Variants in CMTM4 observed in about 807,000 individuals in gnomAD.
The protein encoded by CMTM4 is CKLF like MARVEL transmembrane domain containing 4.
In CMTM4, 8 loss-of-function variants were observed where a neutral mutation model predicts 19.0. The ratio of observed to expected loss-of-function variants is 0.42; its 90% CI spans 0.25 to 0.76. The LOEUF (loss-of-function observed/expected upper bound fraction) is 0.76, where lower values mean the gene tolerates loss of function less well. Among genes scored for constraint, CMTM4 ranks in the 30% least tolerant of loss-of-function variants. The probability of loss-of-function intolerance (pLI) is 0.27; values close to 1 mark genes in which losing one functional copy is unlikely to be tolerated. For synonymous variants in CMTM4, 106 were observed against 121.1 expected (o/e 0.88, Z 0.82); for missense variants, 228 against 290.2 (o/e 0.79, Z 1.56).
chr16:66,624,822 G>C (rs1280426291), intron 2 of CMTM4, among the ~76,000 whole-genome samples: 2 of 152,176 alleles, frequency 1.3e-5, no homozygotes, highest in Non-Finnish European at 2.9e-5. Context: ...TAACAGTGCT[G>C]AGTCTTGCAG....
chr16:66,683,202 T>TACGTATATATATATAC (rs1175502506), intron 1 of CMTM4, among the ~76,000 whole-genome samples: 4 of 137,170 alleles, frequency 2.9e-5, no homozygotes, highest in East Asian at 4.2e-4. Flanking sequence ...TACATATATA[T>TACGTATATATATATAC]ATATATATAA....
At chr16:66,602,534 C>T in the CMTM4 span, among the ~76,000 whole-genome samples, 1 of 151,558 alleles carries the variant, frequency 6.6e-6, no homozygotes, top group Non-Finnish European at 1.5e-5. Context: ...GCTTCTTCTT[C>T]TTCTTCTTCT....
downstream of CMTM4, among the ~76,000 whole-genome samples, chr16:66,611,964 G>C (rs1043216816): frequency 6.6e-6 from 1 of 152,036 alleles, no homozygotes; most frequent in Non-Finnish European, 1.5e-5. Context: ...TGGGGGTGGG[G>C]GTAGAGCTGG....
intron 1 of CMTM4, among the ~76,000 whole-genome samples, chr16:66,664,233 C>CAAAA (rs748462311): frequency 1.5e-5 from 1 of 64,948 alleles, no homozygotes. Context: ...GACTCCGTCT[C>CAAAA]AAAAAAAAAA....
intron 1 of CMTM4, among the ~76,000 whole-genome samples, chr16:66,661,641 T>A (rs1167765549): frequency 6.6e-6 from 1 of 152,108 alleles, no homozygotes; most frequent in Non-Finnish European, 1.5e-5. Context: ...AACATTTCCT[T>A]ACTATAGGCC....
intron 1 of CMTM4, among the ~76,000 whole-genome samples, chr16:66,692,491 G>A (rs570051960): frequency 4.6e-5 from 7 of 152,202 alleles, no homozygotes; most frequent in Non-Finnish European, 8.8e-5. Flanking sequence ...AGAAGTTCTG[G>A]GGTAAGGCCA....
At chr16:66,695,073 A>C (rs1415229811) in intron 1 of CMTM4, among the ~76,000 whole-genome samples, 1 of 152,080 alleles carries the variant, frequency 6.6e-6, no homozygotes, top group Non-Finnish European at 1.5e-5. Context: ...CAGGCCTGGC[A>C]CGGTGGCTCA....
At chr16:66,604,977 G>A in the CMTM4 span, 3 of 1,467,336 alleles carry the variant, frequency 2.0e-6, no homozygotes, top group South Asian at 1.3e-5. Flanking sequence ...ACCCTCGGCC[G>A]CCCCGCTAGG....
chr16:66,633,152 T>C (rs1440553760), intron 2 of CMTM4, among the ~76,000 whole-genome samples: 2 of 145,744 alleles, frequency 1.4e-5, no homozygotes, highest in Admixed American at 6.8e-5. Flanking sequence ...TATATCAAAG[T>C]CCCACAATCC....
At chr16:66,628,642 C>G (rs1443656348) in intron 2 of CMTM4, among the ~76,000 whole-genome samples, 3 of 152,184 alleles carry the variant, frequency 2.0e-5, no homozygotes, top group Non-Finnish European at 2.9e-5. Context: ...CTCAGCAAAG[C>G]AATTGTTCAA....
In CMTM4 at chr16:66,649,584, T is replaced by A. The variant is rs113936277; in HGVS notation, c.187-13003A>T. Among the ~76,000 whole-genome samples, 2 of 152,142 alleles carry A rather than the reference T, an allele frequency of 1.3e-5. 1 individual carries two copies. The highest frequency in any genetic ancestry group is 4.1e-4 in the South Asian group (2 of 4,832). On this transcript the variant is annotated intron_variant, in intron 1 of 3. Coordinates refer to ENST00000394106, the MANE Select transcript of CMTM4 (RefSeq NM_181521.3). Reference sequence around the variant, plus strand: ...GAGTATATCCCAATTTAATCATGACTTATATCACCTGGTGTCCTGCAGACT... The same window carrying A: ...GAGTATATCCCAATTTAATCATGACATATATCACCTGGTGTCCTGCAGACT...
At chr16:66,686,064 C>G (rs1366852700) in intron 1 of CMTM4, among the ~76,000 whole-genome samples, 5 of 152,098 alleles carry the variant, frequency 3.3e-5, no homozygotes, top group Non-Finnish European at 2.9e-5. Context: ...ACCATCCCGG[C>G]CAACATGGTG....
At chr16:66,630,950 A>G (rs1391381765) in intron 2 of CMTM4, among the ~76,000 whole-genome samples, 1 of 146,496 alleles carries the variant, frequency 6.8e-6, no homozygotes, top group Non-Finnish European at 1.5e-5. Context: ...CCTGGCCGCG[A>G]CCCCATCTGG....
At chr16:66,683,169 A>ATACG (rs1278881776) in intron 1 of CMTM4, among the ~76,000 whole-genome samples, 1 of 84,468 alleles carries the variant, frequency 1.2e-5, no homozygotes, top group Non-Finnish European at 2.5e-5. Flanking sequence ...ACGTATATAT[A>ATACG]TATATACATA....
intron 2 of CMTM4, among the ~76,000 whole-genome samples, chr16:66,625,443 AAAAAAAGAAAAAG>A (rs2015718122): frequency 6.6e-6 from 1 of 151,950 alleles, no homozygotes; most frequent in African/African-American, 2.4e-5. Flanking sequence ...TCAAAAAAAA[AAAAAAAGAAAAAG>A]AAAAAAGAAA....
In CMTM4 at chr16:66,616,034, T is replaced by G. The variant is rs982544793; in HGVS notation, c.*6024A>C. The G allele has an allele frequency of 1.4e-4, 21 of 151,464 alleles. No individual in the cohort carries two copies. Among genetic ancestry groups the G allele is most frequent in the African/African-American group, 4.6e-4 (19 of 41,068 alleles). 9.4% of individuals were successfully genotyped at this position (151,464 alleles called of 1,614,324 possible). ...AGGAATAGCCAGGGAATTTTTTTTG[T>G]TTTTTTTCTTCTTTAAAATACATAC... On this transcript the variant is annotated 3_prime_UTR_variant, in exon 4 of 4. Transcript: ENST00000394106.
chr16:66,626,033 AAAG>A (rs2015731495), intron 2 of CMTM4, among the ~76,000 whole-genome samples: 1 of 152,210 alleles, frequency 6.6e-6, no homozygotes, highest in African/African-American at 2.4e-5. Context: ...GAAAATGGGG[AAAG>A]AAGGACATAT....
downstream of CMTM4, chr16:66,611,097 GGA>G (rs2015359208): frequency 5.1e-6 from 2 of 389,728 alleles, no homozygotes; most frequent in African/African-American, 4.1e-5. Context: ...TTTACTATTT[GGA>G]GAGTTTCACA....
At chr16:66,682,432 T>C (rs910490729) in intron 1 of CMTM4, among the ~76,000 whole-genome samples, 1 of 152,154 alleles carries the variant, frequency 6.6e-6, no homozygotes, top group Non-Finnish European at 1.5e-5. Flanking sequence ...AAACTGTTTT[T>C]CACAGTGGTG....
Sources: gnomAD v4.1 joint callset for allele counts (sites outside exome capture counted in the v4.1 genomes callset) on GRCh38, gnomAD v4.1.1 for gene constraint, MANE v1.5 for transcripts, NCBI Gene and HGNC (gene_info 2026-07-23, HGNC 2026-07-21) for gene names.